The following XRCC5 variants were observed in gnomAD, a reference collection of about 807,000 sequenced individuals.
The protein encoded by XRCC5 is X-ray repair cross complementing 5, also known as DNA repair protein Ku80.
XRCC5 carries 12 observed loss-of-function variants against 95.7 expected under a neutral mutation model. The observed-to-expected ratio is 0.13, with a 90% CI of 0.08 to 0.20. XRCC5 has a LOEUF of 0.20. Among genes scored for constraint, XRCC5 ranks in the 10% least tolerant of loss-of-function variants. The pLI is 1.00. For synonymous variants in XRCC5, 281 were observed against 290.3 expected, an observed-to-expected ratio of 0.97 and a Z score of 0.33; for missense variants, 595 against 873.9, an observed-to-expected ratio of 0.68 and a Z score of 4.02.
At chr2:216,138,200 A>G in intron 12 of XRCC5, 21 bp downstream of exon 12, 2 of 1,598,108 alleles carry the variant, frequency 1.3e-6, no homozygotes, top group Non-Finnish European at 1.7e-6. Context: ...TTTCATTTAG[A>G]TCACTCATTG....
rs1406423539 is a variant in XRCC5, at chr2:216,168,986, T to A, written c.1834+6938T>A. 3.9e-5 allele frequency among the ~76,000 whole-genome samples: 6 copies of A among 152,260 alleles called. No homozygotes were observed. In the East Asian group the frequency reaches 1.2e-3, roughly 29 times the overall value. ...TAATGCCTTCTTTTCCTACACTTTT[T>A]AAAACAACATTATAGGGTCACATAT... is the stretch of plus-strand genomic sequence containing the variant. On this transcript the variant is annotated intron_variant, in intron 16 of 20. Transcript: ENST00000392132.
intron 16 of XRCC5, among the ~76,000 whole-genome samples, chr2:216,164,600 C>T (rs41301720): frequency 2.6e-4 from 39 of 152,188 alleles, no homozygotes; most frequent in Non-Finnish European, 4.1e-4. Flanking sequence ...CCAGAGGCTT[C>T]GGAGGAAAGG....
intron 6 of XRCC5, 37 bp from the exon 7 acceptor site, chr2:216,125,880 A>G (rs757369259): frequency 6.5e-7 from 1 of 1,530,608 alleles, no homozygotes; most frequent in South Asian, 1.1e-5. Flanking sequence ...TAACATTTAA[A>G]AATTGTTGCT....
rs567917371 is a variant in XRCC5, at chr2:216,171,693, A to G, written c.1834+9645A>G. ...CTCATATAAGAACTACTTTTTTACA[A>G]TTCCCTTGCTCTTGGAATCCAATAA... On this transcript the variant is annotated intron_variant, in intron 16 of 20. Transcript: ENST00000392132. Among the ~76,000 whole-genome samples the G allele has an allele frequency of 4.6e-5, 7 of 152,266 alleles. No individual in the cohort carries two copies. The South Asian group carries it at 8.3e-4, about 18-fold the overall frequency.
intron 14 of XRCC5, among the ~76,000 whole-genome samples, chr2:216,151,533 C>T (rs985592184): frequency 4.6e-5 from 7 of 152,226 alleles, no homozygotes; most frequent in African/African-American, 1.7e-4. Context: ...TGAGTCAGAC[C>T]CCTTGCTCTG....
At chr2:216,197,533 T>G (rs999444980) in intron 19 of XRCC5, among the ~76,000 whole-genome samples, 21 of 150,522 alleles carry the variant, frequency 1.4e-4, no homozygotes, top group African/African-American at 4.6e-4. Context: ...GTGGAGAGAA[T>G]CTCTTCTACT....
intron 2 of XRCC5, 44 bp from the exon 3 acceptor site, chr2:216,116,615 G>C: frequency 6.2e-7 from 1 of 1,611,316 alleles, no homozygotes; most frequent in Non-Finnish European, 8.5e-7. Context: ...ATTGCTTCCA[G>C]ATTGTTCTAA....
intron 14 of XRCC5, among the ~76,000 whole-genome samples, chr2:216,151,853 T>C (rs1310485329): frequency 6.6e-6 from 1 of 152,126 alleles, no homozygotes; most frequent in Non-Finnish European, 1.5e-5. Context: ...TACCCAAGAC[T>C]GGGTAATTTC....
At chr2:216,187,594 C>T (rs1689520470) in intron 16 of XRCC5, among the ~76,000 whole-genome samples, 1 of 149,980 alleles carries the variant, frequency 6.7e-6, no homozygotes, top group African/African-American at 2.5e-5. Context: ...TGTTTTTTCG[C>T]AAAGCAATTT....
intron 14 of XRCC5, among the ~76,000 whole-genome samples, chr2:216,150,261 A>C (rs561807543): frequency 2.6e-5 from 4 of 152,292 alleles, no homozygotes; most frequent in African/African-American, 9.6e-5. Flanking sequence ...AAGAGCTGGG[A>C]ATCATTCCAG....
chr2:216,141,209 G>T lies in XRCC5; in HGVS notation c.1366G>T (p.Ala456Ser). Residue 456 changes from alanine (A) to serine (S), a missense_variant, in exon 13 of 21, where the codon GCT (alanine) becomes TCT (serine). Ala to Ser is a moderately conservative substitution (Grantham distance 99). Around this residue, in one of 2 missense-constraint regions of XRCC5, gnomAD observed 309 missense variants for 382.9 expected, o/e 0.81. Transcript: ENST00000392132. Reference sequence around the variant, plus strand: ...AGAGGCACAGTTGAATGCTGTTGATGCTTTGATTGACTCCATGAGCTTGGC... The same window carrying T: ...AGAGGCACAGTTGAATGCTGTTGATTCTTTGATTGACTCCATGAGCTTGGC... The part of the protein sequence containing the change: ...PTEAQLNAVD[A>S]LIDSMSLAKK... 6.2e-7 allele frequency: 1 copy of T among 1,614,156 alleles called. No homozygotes were observed. The highest frequency in any genetic ancestry group is 8.5e-7 in the Non-Finnish European group (1 of 1,180,012).
chr2:216,169,870 TAA>T (rs57399789), intron 16 of XRCC5, among the ~76,000 whole-genome samples: 3 of 132,810 alleles, frequency 2.3e-5, no homozygotes, highest in South Asian at 2.4e-4. Flanking sequence ...ATGGTGAAAC[TAA>T]AAAAAAAAAA....
intron 16 of XRCC5, among the ~76,000 whole-genome samples, chr2:216,183,176 C>T (rs1038196501): frequency 2.0e-5 from 3 of 152,142 alleles, no homozygotes; most frequent in Non-Finnish European, 2.9e-5. Context: ...TATCATTCTT[C>T]CTGTGGCTAC....
chr2:216,175,864 A>G (rs1689263105), intron 16 of XRCC5: 2 of 430,800 alleles, frequency 4.6e-6, no homozygotes, highest in South Asian at 3.7e-5. Context: ...CTTTCTCAAA[A>G]TGTTCTCTTA....
At chr2:216,142,152 G>A (rs1451566426) in intron 13 of XRCC5, among the ~76,000 whole-genome samples, 1 of 152,060 alleles carries the variant, frequency 6.6e-6, no homozygotes, top group Non-Finnish European at 1.5e-5. Context: ...ATTGCCCCCA[G>A]CCAGATGCCT....
chr2:216,134,915 A>G (rs1157717968), intron 10 of XRCC5, among the ~76,000 whole-genome samples: 3 of 152,230 alleles, frequency 2.0e-5, no homozygotes, highest in African/African-American at 7.2e-5. Context: ...TTCTGCTAAT[A>G]AAGAATGTAT....
intron 6 of XRCC5, among the ~76,000 whole-genome samples, chr2:216,124,437 C>G (rs758660090): frequency 2.0e-5 from 3 of 152,178 alleles, no homozygotes; most frequent in Non-Finnish European, 2.9e-5. Context: ...ATTGGATGCC[C>G]GTCTTTAGAA....
At chr2:216,177,616 T>C (rs1011289089) in intron 16 of XRCC5, among the ~76,000 whole-genome samples, 44 of 152,172 alleles carry the variant, frequency 2.9e-4, no homozygotes, top group African/African-American at 9.4e-4. Flanking sequence ...GGCGATTAAT[T>C]GTGAGAAATG....
At chr2:216,109,521 A>C in intron 1 of XRCC5, 64 bp downstream of exon 1, 1 of 1,605,854 alleles carries the variant, frequency 6.2e-7, no homozygotes, top group Admixed American at 1.7e-5. Flanking sequence ...GTGGTTCGGA[A>C]GCAGGAATCG....
Sources: allele counts gnomAD v4.1 joint callset (sites outside exome capture counted in the v4.1 genomes callset), GRCh38; gene constraint gnomAD v4.1.1; regional missense constraint gnomAD v4.1.1; transcripts MANE v1.5; gene names NCBI Gene and HGNC (gene_info 2026-07-23, HGNC 2026-07-21).